Variants in SMC5 observed in about 807,000 individuals in gnomAD.
SMC5 encodes structural maintenance of chromosomes protein 5.
A neutral mutation model predicts 148.3 loss-of-function variants in SMC5; 88 were observed. The ratio of observed to expected loss-of-function variants is 0.59; its 90% CI spans 0.50 to 0.71. The LOEUF is 0.71. SMC5 is among the 30% of genes least tolerant of loss of function. SMC5 has a pLI of 0.00. For synonymous variants in SMC5, 421 were observed against 432.8 expected (o/e 0.97, Z 0.34); for missense variants, 1,142 against 1,298.9 (o/e 0.88, Z 1.86).
intron 3 of SMC5, among the ~76,000 whole-genome samples, chr9:70,272,673 A>C (rs1041980147): frequency 6.6e-6 from 1 of 152,236 alleles, no homozygotes; most frequent in East Asian, 1.9e-4. Context: ...CATTAGTATT[A>C]TGATGGATTA....
intron 5 of SMC5, among the ~76,000 whole-genome samples, chr9:70,279,817 CAAAAAAAAAAAA>C (rs561567100): frequency 8.8e-5 from 5 of 56,612 alleles, no homozygotes; most frequent in African/African-American, 2.0e-4. Flanking sequence ...AACTCCGTTT[CAAAAAAAAAAAA>C]AAAAAAAAAG....
At chr9:70,352,013 G>A (rs2036815798) in intron 24 of SMC5, among the ~76,000 whole-genome samples, 178 bp from the exon 25 acceptor site, 1 of 152,152 alleles carries the variant, frequency 6.6e-6, no homozygotes, top group African/African-American at 2.4e-5. Flanking sequence ...TCTGGGTGGT[G>A]GAGGTTGCAC....
chr9:70,347,984 T>A lies in SMC5; in HGVS notation c.2835T>A (p.Asn945Lys), dbSNP rs778654653. 7.5e-6 allele frequency: 12 copies of A among 1,605,442 alleles called. No individual in the cohort carries two copies. The South Asian group carries it at 1.0e-4, about 13-fold the overall frequency. The change falls in exon 22 of 25, where the codon AAT (asparagine) becomes AAA (lysine). Residue 945 changes from asparagine (N) to lysine (K), a missense_variant. Coordinates refer to ENST00000361138, the MANE Select transcript of SMC5 (RefSeq NM_015110.4). ...AAAAAATTAATGAAAAATTCAGCAA[T>A]TTTTTTAGTTCCATGCAGTGTGCTG... Reference protein sequence around the residue: ...LVEKINEKFSNFFSSMQCAGE... With the variant: ...LVEKINEKFSKFFSSMQCAGE...
rs528938555 is a variant in SMC5, at chr9:70,286,331, A to G, written c.1053+60A>G. 1.9e-5 allele frequency: 20 copies of G among 1,048,042 alleles called. No homozygotes were observed. In the South Asian group the frequency reaches 2.4e-4, roughly 13 times the overall value. The allele number at this position is 1,048,042 out of a possible 1,614,324, so 64.9% of individuals were successfully genotyped here. On this transcript the variant is annotated intron_variant, in intron 8 of 24. Transcript: ENST00000361138. ...AGTTTGCTCTAACTTTTGTTTTCAA[A>G]TACAGATTATGAGACAGATTCTTGT...
chr9:70,340,520 C>T (rs959164411), intron 17 of SMC5, among the ~76,000 whole-genome samples: 3 of 151,820 alleles, frequency 2.0e-5, no homozygotes, highest in African/African-American at 7.3e-5. Context: ...GTAACTAAAA[C>T]AAATGGTTAA....
At chr9:70,304,836 CTTTGTGTT>C (rs2035455812) in intron 10 of SMC5, among the ~76,000 whole-genome samples, 1 of 150,646 alleles carries the variant, frequency 6.6e-6, no homozygotes, top group African/African-American at 2.4e-5. Flanking sequence ...GTTTAAAGTT[CTTTGTGTT>C]TTTGTGCCTA....
At chr9:70,300,811 G>A (rs1485757234) in intron 10 of SMC5, among the ~76,000 whole-genome samples, 1 of 152,062 alleles carries the variant, frequency 6.6e-6, no homozygotes, top group African/African-American at 2.4e-5. Flanking sequence ...GCACATAAAA[G>A]GATGAAAGAG....
rs1476961893 is a variant in SMC5, at chr9:70,318,873, A to G, written c.2060A>G (p.Asp687Gly). Reference sequence around the variant, plus strand: ...ACAAGCAAACATCTGGAGCACAAAGACAATGAACTTAGACAAAAGAAGAAG... The same window carrying G: ...ACAAGCAAACATCTGGAGCACAAAGGCAATGAACTTAGACAAAAGAAGAAG... Reference protein sequence around the residue: ...RETSKHLEHKDNELRQKKKEL... With the variant: ...RETSKHLEHKGNELRQKKKEL... The change falls in exon 15 of 25, where the codon GAC (aspartate) becomes GGC (glycine). Residue 687 changes from aspartate (D) to glycine (G), a missense_variant. Transcript: ENST00000361138. The G allele has an allele frequency of 8.1e-6, 13 of 1,612,438 alleles. No homozygotes were observed. The highest frequency in any genetic ancestry group is 1.7e-5 in the Admixed American group (1 of 59,874).
intron 10 of SMC5, among the ~76,000 whole-genome samples, chr9:70,304,933 C>T (rs1013205041): frequency 1.3e-5 from 2 of 152,000 alleles, no homozygotes; most frequent in African/African-American, 4.8e-5. Flanking sequence ...AATGTTTACA[C>T]TCAAGTCACA....
At chr9:70,340,796 C>G (rs931831189) in intron 17 of SMC5, among the ~76,000 whole-genome samples, 5 of 151,962 alleles carry the variant, frequency 3.3e-5, no homozygotes, top group Non-Finnish European at 5.9e-5. Flanking sequence ...CTTAGAAAAG[C>G]TTTTTCTTGT....
chr9:70,314,871 T>C (rs777987323), intron 12 of SMC5, 35 bp downstream of exon 12: 11 of 1,178,906 alleles, frequency 9.3e-6, no homozygotes, highest in Non-Finnish European at 1.3e-5. Flanking sequence ...TATTTAAATA[T>C]TGAATTATTC....
At chr9:70,301,955 TTTGA>T (rs1168026032) in intron 10 of SMC5, among the ~76,000 whole-genome samples, 1 of 152,238 alleles carries the variant, frequency 6.6e-6, no homozygotes, top group African/African-American at 2.4e-5. Context: ...ATCTTGCTAC[TTTGA>T]TTGTGATGAT....
intron 17 of SMC5, among the ~76,000 whole-genome samples, chr9:70,325,500 T>G (rs759008364): frequency 2.0e-5 from 3 of 152,172 alleles, no homozygotes; most frequent in Non-Finnish European, 4.4e-5. Flanking sequence ...CAGCTAAAAC[T>G]GAGAGGCAAC....
intron 22 of SMC5, among the ~76,000 whole-genome samples, chr9:70,349,094 A>C (rs1029824740): frequency 6.6e-6 from 1 of 152,204 alleles, no homozygotes; most frequent in Admixed American, 6.5e-5. Context: ...TTTGAGACAA[A>C]GTCTCACTCT....
intron 12 of SMC5, among the ~76,000 whole-genome samples, chr9:70,315,059 A>T (rs2035759321): frequency 6.6e-6 from 1 of 152,150 alleles, no homozygotes. Context: ...TTAATAAAAG[A>T]TGCTAAAGTA....
chr9:70,321,913 G>T (rs544865342), intron 15 of SMC5, among the ~76,000 whole-genome samples: 10 of 152,100 alleles, frequency 6.6e-5, no homozygotes, highest in Non-Finnish European at 1.5e-4. Context: ...TGTTGTTGTT[G>T]TTGTTCTGAC....
At position 70,347,906 on chromosome 9, in the gene SMC5, C is replaced by G. The variant is rs1213482688; in HGVS notation, c.2770-13C>G. On this transcript the variant is annotated splice_polypyrimidine_tract_variant and intron_variant, in intron 21 of 24. Coordinates refer to ENST00000361138, the MANE Select transcript of SMC5 (RefSeq NM_015110.4). ...GCTTTTAAATTGTGTTTTTATATTGCCTTTATTTGTAGGTAAAAGAAAGGT... is the reference window on the plus strand; with the variant it reads ...GCTTTTAAATTGTGTTTTTATATTGGCTTTATTTGTAGGTAAAAGAAAGGT... 4 of 1,566,822 alleles carry G rather than the reference C, an allele frequency of 2.6e-6. No individual in the cohort carries two copies. Among genetic ancestry groups the G allele is most frequent in the Non-Finnish European group, 3.5e-6 (4 of 1,157,624 alleles).
At chr9:70,317,189 A>G (rs1277084539) in intron 13 of SMC5, among the ~76,000 whole-genome samples, 3 of 152,242 alleles carry the variant, frequency 2.0e-5, no homozygotes, top group South Asian at 4.1e-4. Flanking sequence ...GTTTGAGACA[A>G]TAATGGCTAG....
In SMC5 at chr9:70,318,957, T is replaced by A; in HGVS notation, c.2144T>A (p.Leu715Gln). ...CTGGAACAAAAAATCAGTTCCAAAC[T>A]AGGAAGGTATCTTTTAGCCTATTCA... ...RQLEQKISSK[L>Q]GSLKLMEQDT... The change falls in exon 15 of 25, where the codon CTA (leucine) becomes CAA (glutamine). Residue 715 changes from leucine (L) to glutamine (Q), a missense_variant. Around this residue, in one of 5 missense-constraint regions of SMC5, gnomAD observed 743 missense variants for 835.7 expected, o/e 0.89. Transcript: ENST00000361138. 6.2e-7 allele frequency: 1 copy of A among 1,606,050 alleles called. No homozygotes were observed. The highest frequency in any genetic ancestry group is 1.1e-5 in the South Asian group (1 of 89,324).
Sources: allele counts gnomAD v4.1 joint callset (sites outside exome capture counted in the v4.1 genomes callset), GRCh38; gene constraint gnomAD v4.1.1; regional missense constraint gnomAD v4.1.1; transcripts MANE v1.5; gene names NCBI Gene and HGNC (gene_info 2026-07-23, HGNC 2026-07-21).